Variants in SNED1 observed in about 807,000 individuals in gnomAD.
SNED1 encodes sushi, nidogen and EGF-like domain-containing protein 1.
Under a neutral mutation model 166.7 loss-of-function variants are expected in SNED1, and 81 were observed. The observed-to-expected ratio is 0.49, with a 90% CI of 0.41 to 0.58. SNED1 has a LOEUF of 0.58. Ranked by LOEUF, SNED1 falls within the 20% of genes least tolerant of loss-of-function variation. SNED1 has a pLI of 0.00. For synonymous variants in SNED1, 762 were observed against 822.0 expected (o/e 0.93, Z 1.25); for missense variants, 1,604 against 2,000.2 (o/e 0.80, Z 3.78).
chr2:241,003,154 C>T (rs1034147137), intron 1 of SNED1, among the ~76,000 whole-genome samples: 7 of 151,670 alleles, frequency 4.6e-5, no homozygotes, highest in African/African-American at 1.7e-4. Flanking sequence ...CTCCCCCAGC[C>T]CCACCCTCTG....
At chr2:241,044,543 T>A (rs1485538209) in intron 8 of SNED1, among the ~76,000 whole-genome samples, 2 of 152,192 alleles carry the variant, frequency 1.3e-5, no homozygotes, top group Non-Finnish European at 2.9e-5. Flanking sequence ...GAGTTTACCA[T>A]TTTTTGTTTT....
chr2:241,033,832 G>T lies in SNED1; in HGVS notation c.599G>T (p.Ser200Ile). ...SIVWTTGTHA[S>I]SGGNATGLGG... is the part of the protein sequence containing the mutation. ...GTGTGGACCACAGGCACACACGCCAGCAGCGGGGGCAACGCCACTGGCCTC... is the reference window on the plus strand; with the variant it reads ...GTGTGGACCACAGGCACACACGCCATCAGCGGGGGCAACGCCACTGGCCTC... Residue 200 changes from serine to isoleucine, a missense_variant, in exon 3 of 32, where the codon AGC (serine) becomes ATC (isoleucine). Physicochemically the swap from Ser to Ile is moderately radical, Grantham distance 142 (BLOSUM62 -2). Transcript: ENST00000310397. 1 of 1,608,938 alleles carries T rather than the reference G, an allele frequency of 6.2e-7. No individual in the cohort carries two copies. Among genetic ancestry groups the T allele is most frequent in the Non-Finnish European group, 8.5e-7 (1 of 1,178,316 alleles).
intron 1 of SNED1, among the ~76,000 whole-genome samples, chr2:241,012,420 G>A (rs1352749013): frequency 6.6e-6 from 1 of 152,232 alleles, no homozygotes; most frequent in Non-Finnish European, 1.5e-5. Context: ...GCCACCCCAG[G>A]GCAGCCCCTC....
At chr2:241,050,117 T>C in intron 12 of SNED1, 184 bp downstream of exon 12, 1 of 659,222 alleles carries the variant, frequency 1.5e-6, no homozygotes, top group East Asian at 2.8e-5. Context: ...TGGATGGTTC[T>C]GATCTGCACC....
intron 21 of SNED1, among the ~76,000 whole-genome samples, chr2:241,067,387 C>T (rs1219870342): frequency 6.6e-6 from 1 of 152,230 alleles, no homozygotes; most frequent in Non-Finnish European, 1.5e-5. Flanking sequence ...GATGTGTGCT[C>T]TTAGACCAAA....
rs773697489 is a variant in SNED1 at position 241,071,841 on chromosome 2, C to G, written c.3780C>G (p.Phe1260Leu). 1.9e-6 allele frequency: 3 copies of G among 1,604,860 alleles called. No homozygotes were observed. The Admixed American group carries it at 5.1e-5, about 27-fold the overall frequency. The change falls in exon 26 of 32, where the codon TTC becomes TTG. Residue 1260 changes from phenylalanine to leucine, a missense_variant. Physicochemically the swap from Phe to Leu is conservative, Grantham distance 22. Around this residue, in one of 2 missense-constraint regions of SNED1, gnomAD observed 367 missense variants for 379.4 expected, o/e 0.97. Transcript: ENST00000310397. ...VDGRGRVSARFGGSPSKAATV... is the reference protein window; with the variant it reads ...VDGRGRVSARLGGSPSKAATV... The stretch of plus-strand genomic sequence containing the variant: ...GCAGAGGAAGAGTGAGCGCCAGGTT[C>G]GGTGGCTCACCCAGCAAAGCAGCCA...
At chr2:241,087,157 A>G (rs2063624029) in intron 29 of SNED1, 2 of 494,342 alleles carry the variant, frequency 4.0e-6, no homozygotes, top group Non-Finnish European at 3.6e-6. Context: ...CAGAATGCAC[A>G]TTAAAATGGG....
Position 241,069,184 on chromosome 2 carries a change from C to CGCTGG in SNED1, c.3307+174_3307+178dup, listed in dbSNP as rs1423527322. Among the ~76,000 whole-genome samples, 3 of 152,202 alleles carry CGCTGG rather than the reference C, an allele frequency of 2.0e-5. No homozygotes were observed. Among genetic ancestry groups the CGCTGG allele is most frequent in the African/African-American group, 7.2e-5 (3 of 41,444 alleles). On this transcript the variant is annotated intron_variant, in intron 23 of 31. Transcript: ENST00000310397. This position sits in a 1 kb window ranked among gnomAD's most constrained non-coding sequence, Gnocchi z 4.9. ...TCCGCTGGGGCCACTGGGCAGGAGC[C>CGCTGG]GCTGGGCTGGGCTGGGCCCTTGTGC...
intron 1 of SNED1, among the ~76,000 whole-genome samples, 161 bp from the exon 2 acceptor site, chr2:241,030,123 C>T (rs2061120101): frequency 6.6e-6 from 1 of 152,230 alleles, no homozygotes; most frequent in South Asian, 2.1e-4. Flanking sequence ...ATGCTGGGCC[C>T]ATCTCAGGGA....
At chr2:241,016,656 A>AT (rs1191413856) in intron 1 of SNED1, among the ~76,000 whole-genome samples, 4 of 151,918 alleles carry the variant, frequency 2.6e-5, no homozygotes, top group Admixed American at 6.6e-5. Flanking sequence ...CATAAAATGG[A>AT]TTTTTCTATC....
chr2:241,056,873 G>A (rs1459144681), intron 16 of SNED1, among the ~76,000 whole-genome samples: 1 of 152,034 alleles, frequency 6.6e-6, no homozygotes, highest in Non-Finnish European at 1.5e-5. Context: ...GAGCCACTGC[G>A]CCGGGCCAAA....
At chr2:241,036,698 T>TCAGGGGAGGGAAGGGAGATGCGGATGGGA in intron 4 of SNED1, 92 bp from the exon 5 acceptor site, 4 of 1,547,652 alleles carry the variant, frequency 2.6e-6, no homozygotes, top group Non-Finnish European at 3.5e-6. Flanking sequence ...ACCTTTTGGG[T>TCAGGGGAGGGAAGGGAGATGCGGATGGGA]CAGGGGAGGG....
At chr2:241,066,600 A>G (rs1411932562) in intron 21 of SNED1, among the ~76,000 whole-genome samples, 2 of 149,022 alleles carry the variant, frequency 1.3e-5, no homozygotes, top group Admixed American at 1.3e-4. Flanking sequence ...AGGTGCTGAG[A>G]GCACAGACTG....
intron 1 of SNED1, among the ~76,000 whole-genome samples, chr2:241,004,356 T>C (rs900652701): frequency 3.3e-5 from 5 of 152,244 alleles, no homozygotes; most frequent in African/African-American, 1.2e-4. Flanking sequence ...AATCTCTTCC[T>C]TTTAATTAGA....
intron 1 of SNED1, among the ~76,000 whole-genome samples, chr2:241,023,711 A>G (rs1404679540): frequency 6.6e-6 from 1 of 152,064 alleles, no homozygotes; most frequent in Non-Finnish European, 1.5e-5. Flanking sequence ...CAGAGCTCTT[A>G]TATCTTTATC....
At chr2:241,081,296 C>T (rs2063315127) in intron 27 of SNED1, among the ~76,000 whole-genome samples, 1 of 152,144 alleles carries the variant, frequency 6.6e-6, no homozygotes, top group South Asian at 2.1e-4. Context: ...GCAGCAGAAA[C>T]CGTGTTCAGG....
rs769070174 is a variant in SNED1 at position 241,030,367 on chromosome 2, C to T, written c.297C>T (p.Cys99=). ...PVAFPIAKDR[C]VVAAFWADVD... ...CCTTCCCCATTGCCAAGGACCGCTG[C>T]GTGGTGGCAGCCTTCTGGGCAGATG... The change falls in exon 2 of 32, where the codon TGC becomes TGT. Residue 99 remains cysteine (C), a synonymous_variant. Transcript: ENST00000310397. The T allele has an allele frequency of 3.1e-6, 5 of 1,611,736 alleles. No homozygotes were observed. The highest frequency in any genetic ancestry group is 1.3e-5 in the African/African-American group (1 of 75,028).
intron 2 of SNED1, among the ~76,000 whole-genome samples, chr2:241,033,214 A>G (rs2061241784): frequency 6.6e-6 from 1 of 152,188 alleles, no homozygotes; most frequent in African/African-American, 2.4e-5. Flanking sequence ...TGTTTGTCCC[A>G]AGATCATTTC....
At chr2:241,036,313 G>A (rs1416461111) in intron 4 of SNED1, among the ~76,000 whole-genome samples, 1 of 151,696 alleles carries the variant, frequency 6.6e-6, no homozygotes, top group Non-Finnish European at 1.5e-5. Context: ...CACGGGGCGG[G>A]GAGCCCAGAG....
Sources: allele counts gnomAD v4.1 joint callset (sites outside exome capture counted in the v4.1 genomes callset), GRCh38; gene constraint gnomAD v4.1.1; regional missense constraint gnomAD v4.1.1; non-coding constraint Gnocchi (gnomAD v3.1); transcripts MANE v1.5; gene names NCBI Gene and HGNC (gene_info 2026-07-23, HGNC 2026-07-21).